DCDC2: variants seen among roughly 807,000 people sequenced by gnomAD.
DCDC2 encodes doublecortin domain-containing protein 2.
DCDC2 carries 40 observed loss-of-function variants against 50.2 expected under a neutral mutation model. The ratio of observed to expected loss-of-function variants is 0.80; its 90% confidence interval spans 0.62 to 1.04. DCDC2 has a LOEUF of 1.04. Among genes scored for constraint, DCDC2 ranks in the 50% least tolerant of loss-of-function variants. The pLI, the probability that DCDC2 is intolerant of heterozygous loss-of-function variation, is 0.00. For synonymous variants in DCDC2, 234 were observed against 210.6 expected (o/e 1.11, Z -0.96); for missense variants, 570 against 581.9 (o/e 0.98, Z 0.21).
At chr6:24,273,837 C>T (rs1763292955) in intron 7 of DCDC2, among the ~76,000 whole-genome samples, 1 of 152,248 alleles carries the variant, frequency 6.6e-6, no homozygotes, top group African/African-American at 2.4e-5. Context: ...AGCATGACTG[C>T]TCAAGGGCAG....
At chr6:24,238,286 T>C (rs1396093868) in intron 7 of DCDC2, among the ~76,000 whole-genome samples, 3 of 148,544 alleles carry the variant, frequency 2.0e-5, no homozygotes, top group Non-Finnish European at 3.0e-5. Flanking sequence ...TTGTGTTTCA[T>C]TCCATGCATC....
At chr6:24,204,944 A>C (rs1158935248) in intron 8 of DCDC2, 58 bp downstream of exon 8, 1 of 1,517,532 alleles carries the variant, frequency 6.6e-7, no homozygotes, top group East Asian at 2.3e-5. Context: ...ATAACACAAA[A>C]CTTGGAAAAA....
chr6:24,358,923 ATATAT>A (rs1760559157), upstream of DCDC2, among the ~76,000 whole-genome samples: 1 of 59,506 alleles, frequency 1.7e-5, no homozygotes, highest in Non-Finnish European at 2.7e-5. Flanking sequence ...TATATATATT[ATATAT>A]TATATATTTT....
chr6:24,366,082 T>A, the DCDC2 span, among the ~76,000 whole-genome samples: 17 of 152,340 alleles, frequency 1.1e-4, no homozygotes, highest in Admixed American at 3.3e-4. Context: ...CCTCCCAAAG[T>A]GCTTGGATTA....
chr6:24,358,827 A>ATTTTTATATATTT (rs1406483258), upstream of DCDC2, among the ~76,000 whole-genome samples: 2 of 27,214 alleles, frequency 7.3e-5, no homozygotes, highest in Non-Finnish European at 5.5e-5. Context: ...TATATATATT[A>ATTTTTATATATTT]TATTTATATA....
At chr6:24,245,928 G>A (rs1262337557) in intron 7 of DCDC2, among the ~76,000 whole-genome samples, 1 of 152,166 alleles carries the variant, frequency 6.6e-6, no homozygotes, top group Non-Finnish European at 1.5e-5. Flanking sequence ...CAAATGGACA[G>A]ATTAAATAGC....
rs540503497 is a variant in DCDC2, at chr6:24,318,224, A to T, written c.349-16180T>A. On this transcript the variant is annotated intron_variant, in intron 2 of 9. Coordinates refer to ENST00000378454, the MANE Select transcript of DCDC2 (RefSeq NM_016356.5). The stretch of plus-strand genomic sequence containing the variant: ...AGTTTTATTCATTGTAGTATTATTT[A>T]TAATTCCAAAATATTAGAAACAACC... 2.6e-5 allele frequency among the ~76,000 whole-genome samples: 4 copies of T among 152,218 alleles called. No individual in the cohort carries two copies. The East Asian group carries it at 7.7e-4, about 29-fold the overall frequency.
At chr6:24,272,628 A>C (rs1763261369) in intron 7 of DCDC2, among the ~76,000 whole-genome samples, 4 of 152,228 alleles carry the variant, frequency 2.6e-5, no homozygotes, top group Admixed American at 2.6e-4. Context: ...CAATGTCACT[A>C]ATCATCACAG....
the DCDC2 span, among the ~76,000 whole-genome samples, chr6:24,372,639 C>T: frequency 0.52 from 79,204 of 151,742 alleles, 23,262 homozygotes; most frequent in East Asian, 0.8. Context: ...AGCTGGAAAC[C>T]ATCATTCTCA....
chr6:24,312,182 C>T (rs956697181), intron 2 of DCDC2, among the ~76,000 whole-genome samples: 5 of 151,550 alleles, frequency 3.3e-5, no homozygotes, highest in African/African-American at 9.7e-5. Context: ...CACTACCTAC[C>T]CAAATCCTGT....
intron 2 of DCDC2, among the ~76,000 whole-genome samples, chr6:24,319,743 G>C (rs1159499069): frequency 6.6e-6 from 1 of 152,168 alleles, no homozygotes. Flanking sequence ...GGATAAACCA[G>C]AATCTAAGGA....
chr6:24,306,286 T>A (rs1759471740), intron 2 of DCDC2, among the ~76,000 whole-genome samples: 1 of 152,154 alleles, frequency 6.6e-6, no homozygotes, highest in African/African-American at 2.4e-5. Flanking sequence ...ACTTTGTCAT[T>A]TGGTGAAGGA....
the DCDC2 span, among the ~76,000 whole-genome samples, chr6:24,382,009 A>AGGCAGGC: frequency 7.7e-5 from 9 of 116,502 alleles, no homozygotes; most frequent in South Asian, 6.8e-4. Context: ...GGAAGGAAGG[A>AGGCAGGC]AGGCAGGCAA....
At chr6:24,352,288 T>C (rs531371337) in intron 2 of DCDC2, among the ~76,000 whole-genome samples, 22 of 152,318 alleles carry the variant, frequency 1.4e-4, no homozygotes, top group African/African-American at 4.3e-4. Context: ...ACCAATTTCA[T>C]GCAAGGTAGT....
intron 7 of DCDC2, among the ~76,000 whole-genome samples, chr6:24,273,077 A>AG (rs60408521): frequency 3.3e-5 from 5 of 151,754 alleles, no homozygotes; most frequent in African/African-American, 1.2e-4. Context: ...ACATACATAT[A>AG]AACACACACA....
chr6:24,352,815 T>C (rs1028816766), intron 2 of DCDC2, among the ~76,000 whole-genome samples: 1 of 152,196 alleles, frequency 6.6e-6, no homozygotes, highest in African/African-American at 2.4e-5. Context: ...CTTGTTTATT[T>C]GGGGTCTGAA....
intron 7 of DCDC2, among the ~76,000 whole-genome samples, chr6:24,243,812 C>T (rs73726630): frequency 0.02 from 3,012 of 152,232 alleles, 88 homozygotes; most frequent in African/African-American, 0.064. Context: ...GAGGCAACCC[C>T]AAACCACAGG....
At chr6:24,175,158 A>C (rs1355818592) in intron 9 of DCDC2, among the ~76,000 whole-genome samples, 1 of 151,884 alleles carries the variant, frequency 6.6e-6, no homozygotes, top group African/African-American at 2.4e-5. Context: ...TATACTTTTC[A>C]GTTTAGCATT....
chr6:24,316,921 GA>G (rs1221891920), intron 2 of DCDC2, among the ~76,000 whole-genome samples: 1 of 151,326 alleles, frequency 6.6e-6, no homozygotes, highest in African/African-American at 2.4e-5. Flanking sequence ...GAAAAATAAT[GA>G]AAAAAGCTTT....
Sources: gnomAD v4.1 joint callset for allele counts (sites outside exome capture counted in the v4.1 genomes callset) on GRCh38, gnomAD v4.1.1 for gene constraint, MANE v1.5 for transcripts, NCBI Gene and HGNC (gene_info 2026-07-23, HGNC 2026-07-21) for gene names.